The following PRKCB variants were observed in gnomAD, a reference collection of about 807,000 sequenced individuals.
The protein encoded by PRKCB is protein kinase C beta type.
PRKCB carries 13 observed loss-of-function variants against 81.5 expected under a neutral mutation model. The ratio of observed to expected loss-of-function variants is 0.16; its 90% confidence interval spans 0.10 to 0.25. PRKCB has a LOEUF of 0.25. PRKCB is among the 10% of genes least tolerant of loss of function. The pLI is 1.00. For missense variants in PRKCB, 509 were observed against 875.7 expected (o/e 0.58, Z 5.29); for synonymous variants, 335 against 321.4 (o/e 1.04, Z -0.45).
rs574489646 is a variant in PRKCB at position 24,217,667 on chromosome 16, G to C, written c.*2851G>C. The C allele has an allele frequency of 3.0e-6, 3 of 985,346 alleles. No individual in the cohort carries two copies. The highest frequency in any genetic ancestry group is 3.5e-5 in the African/African-American group (2 of 57,228). 61.0% of individuals were successfully genotyped at this position (985,346 alleles called of 1,614,324 possible). A position where few individuals can be genotyped will look rare whatever the true frequency, so the allele number is the denominator to read the frequency against. On this transcript the variant is annotated 3_prime_UTR_variant, in exon 17 of 17. Transcript: ENST00000643927. ...ATTAGCCATCACCAGCACAACAAAC[G>C]GGGCAGGGCTTTCCAAGGTGGGGCT...
chr16:24,052,922 A>G (rs1301483102), intron 5 of PRKCB, among the ~76,000 whole-genome samples: 1 of 152,164 alleles, frequency 6.6e-6, no homozygotes, highest in African/African-American at 2.4e-5. Context: ...CCCAGCCCCT[A>G]TTCAAGATGG....
intron 8 of PRKCB, among the ~76,000 whole-genome samples, chr16:24,113,427 TC>T (rs1012207685): frequency 1.1e-4 from 16 of 151,416 alleles, no homozygotes; most frequent in Middle Eastern, 3.4e-3. Context: ...TTCTTTCTTT[TC>T]TTTCTCTCTC....
chr16:24,118,053 A>G (rs1050296673), intron 8 of PRKCB, among the ~76,000 whole-genome samples: 3 of 152,214 alleles, frequency 2.0e-5, no homozygotes, highest in Admixed American at 2.0e-4. Context: ...AGAGAGCAGC[A>G]TGCTGGTGGT....
intron 5 of PRKCB, among the ~76,000 whole-genome samples, chr16:24,076,476 ACAGAAGCTTT>A (rs943857533): frequency 6.6e-6 from 1 of 152,142 alleles, no homozygotes; most frequent in Non-Finnish European, 1.5e-5. Flanking sequence ...GAAAGACGAG[ACAGAAGCTTT>A]CAGAACTGAG....
chr16:24,067,692 T>A (rs947564815), intron 5 of PRKCB, among the ~76,000 whole-genome samples: 1 of 151,984 alleles, frequency 6.6e-6, no homozygotes, highest in Non-Finnish European at 1.5e-5. Context: ...GTTGGACAGG[T>A]GTGGTGGCTC....
intron 5 of PRKCB, among the ~76,000 whole-genome samples, chr16:24,071,436 TAAAAAAAAA>T (rs398042091): frequency 3.5e-5 from 2 of 57,276 alleles, no homozygotes; most frequent in Non-Finnish European, 7.2e-5. Flanking sequence ...AGACCCTGTC[TAAAAAAAAA>T]AAAAAAAAAA....
chr16:24,001,852 G>C (rs776446229), intron 3 of PRKCB, among the ~76,000 whole-genome samples: 108 of 152,140 alleles, frequency 7.1e-4, no homozygotes, highest in Non-Finnish European at 2.1e-4. Context: ...AGGGCCCATT[G>C]ACTCCTGAGA....
chr16:23,866,391 A>G (rs776607998), intron 2 of PRKCB, among the ~76,000 whole-genome samples: 2 of 152,366 alleles, frequency 1.3e-5, no homozygotes, highest in South Asian at 2.1e-4. Context: ...TAAGAAATGC[A>G]TAAGTACAAT....
intron 5 of PRKCB, among the ~76,000 whole-genome samples, chr16:24,092,539 T>TA (rs1966388651): frequency 6.6e-6 from 1 of 152,186 alleles, no homozygotes; most frequent in Admixed American, 6.5e-5. Context: ...TTAGAAAACT[T>TA]ACAGTTAATC....
At chr16:24,136,207 G>T (rs1037518877) in intron 9 of PRKCB, among the ~76,000 whole-genome samples, 1 of 150,532 alleles carries the variant, frequency 6.6e-6, no homozygotes, top group Admixed American at 6.7e-5. Flanking sequence ...CTGCTCTTCC[G>T]CAGCCTCTGC....
chr16:24,165,802 A>T (rs1270443022), intron 10 of PRKCB, among the ~76,000 whole-genome samples: 2 of 152,014 alleles, frequency 1.3e-5, no homozygotes, highest in Non-Finnish European at 2.9e-5. Flanking sequence ...TAAGTGAGTT[A>T]ATAAAAATAC....
chr16:24,128,566 CA>C (rs532429197), intron 9 of PRKCB, among the ~76,000 whole-genome samples: 7 of 152,160 alleles, frequency 4.6e-5, no homozygotes, highest in Non-Finnish European at 1.0e-4. Context: ...TTTTTTTAAA[CA>C]GGCAGAAGTG....
chr16:23,939,570 G>C (rs1305115653), intron 2 of PRKCB, among the ~76,000 whole-genome samples: 26 of 152,152 alleles, frequency 1.7e-4, no homozygotes. Context: ...ATGCTCAATT[G>C]ATTTTTGACA....
intron 5 of PRKCB, among the ~76,000 whole-genome samples, chr16:24,073,949 T>C (rs941879199): frequency 1.3e-5 from 2 of 152,046 alleles, no homozygotes; most frequent in African/African-American, 4.8e-5. Flanking sequence ...GAGACCATCC[T>C]GGCTAACATG....
rs764726776 is a variant in PRKCB at position 24,220,164 on chromosome 16, C to T, written c.*5348C>T. 52 of 1,598,958 alleles carry T rather than the reference C, an allele frequency of 3.3e-5. No individual in the cohort carries two copies. The highest frequency in any genetic ancestry group is 5.0e-5 in the Admixed American group (3 of 59,544). ...CTGGGGTGTAAGACTTCAAGCCAAG[C>T]GTATGTATCAATTCTAGTCTTCCAG... is the stretch of plus-strand genomic sequence containing the variant. On this transcript the variant is annotated 3_prime_UTR_variant, in exon 17 of 17. Coordinates refer to ENST00000643927, the MANE Select transcript of PRKCB (RefSeq NM_002738.7).
intron 3 of PRKCB, among the ~76,000 whole-genome samples, chr16:24,018,341 G>C (rs766784559): frequency 6.6e-6 from 1 of 152,136 alleles, no homozygotes; most frequent in Non-Finnish European, 1.5e-5. Flanking sequence ...GTGAGCCACC[G>C]GACCTGGCAG....
intron 2 of PRKCB, among the ~76,000 whole-genome samples, chr16:23,845,968 C>T (rs553711866): frequency 4.3e-4 from 65 of 152,320 alleles, no homozygotes; most frequent in Non-Finnish European, 6.6e-4. Context: ...GCATTTTGAG[C>T]TGAAAGTCAG....
intron 5 of PRKCB, among the ~76,000 whole-genome samples, chr16:24,088,883 T>C (rs762505338): frequency 1.1e-4 from 17 of 152,194 alleles, no homozygotes; most frequent in Non-Finnish European, 1.9e-4. Flanking sequence ...TGTCAGTTCA[T>C]AAGACTGGGG....
At chr16:23,989,811 A>G (rs1964855311) in intron 3 of PRKCB, among the ~76,000 whole-genome samples, 1 of 152,168 alleles carries the variant, frequency 6.6e-6, no homozygotes, top group Admixed American at 6.5e-5. Flanking sequence ...TCATGATGGA[A>G]GCTAAAAATG....
Sources: gnomAD v4.1 joint callset for allele counts (sites outside exome capture counted in the v4.1 genomes callset) on GRCh38, gnomAD v4.1.1 for gene constraint, MANE v1.5 for transcripts, NCBI Gene and HGNC (gene_info 2026-07-23, HGNC 2026-07-21) for gene names.